The following SRRM1 variants were observed in gnomAD, a reference collection of about 807,000 sequenced individuals.
SRRM1 encodes the protein serine and arginine repetitive matrix 1.
Under a neutral mutation model 110.2 loss-of-function variants are expected in SRRM1, and 19 were observed. The ratio of observed to expected loss-of-function variants is 0.17; its 90% confidence interval spans 0.12 to 0.25. The LOEUF (loss-of-function observed/expected upper bound fraction) is 0.25, where lower values mean the gene tolerates loss of function less well. Among genes scored for constraint, SRRM1 ranks in the 10% least tolerant of loss-of-function variants. The probability of loss-of-function intolerance (pLI) is 1.00; values close to 1 mark genes in which losing one functional copy is unlikely to be tolerated. For missense variants in SRRM1, 918 were observed against 1,145.8 expected (o/e 0.80, Z 2.87); for synonymous variants, 443 against 414.9 (o/e 1.07, Z -0.82).
rs760884910 is a variant in SRRM1, at chr1:24,655,146, T to C, written c.1315+17T>C. 24 of 1,611,148 alleles carry C rather than the reference T, an allele frequency of 1.5e-5. 1 individual carries two copies. In the South Asian group the frequency reaches 2.3e-4, roughly 15 times the overall value. ...CAGGTAAAGGTAAAAATCAAACACA[T>C]ATGAAACATGGTCTCTCTTTCTTTG... On this transcript the variant is annotated intron_variant, in intron 9 of 16. Transcript: ENST00000323848.
Position 24,650,051 on chromosome 1 carries a change from CAG to C in SRRM1, c.490_491del (p.Glu164LysfsTer7). The C allele has an allele frequency of 6.3e-7, 1 of 1,590,998 alleles. No individual in the cohort carries two copies. Among genetic ancestry groups the C allele is most frequent in the Admixed American group, 1.8e-5 (1 of 56,726 alleles). On this transcript the variant is annotated frameshift_variant, in exon 5 of 17. Transcript: ENST00000323848. LOFTEE classifies it high-confidence loss of function. Reference protein sequence around the residue: ...KRDKEEKESSREKRERSRSPR... With the variant: ...KRDKEEKESSXEKRERSRSPR... ...GAGATAAGGAAGAAAAAGAAAGCAG[CAG>C]AGAAAAAAGGGAGCGGTCTCGTAGC... is the stretch of plus-strand genomic sequence containing the variant.
intron 11 of SRRM1, among the ~76,000 whole-genome samples, chr1:24,661,597 T>A (rs1229779581): frequency 6.6e-6 from 1 of 152,132 alleles, no homozygotes; most frequent in African/African-American, 2.4e-5. Context: ...AAGTAATAGG[T>A]CCCTAGGATA....
At position 24,643,428 on chromosome 1, in the gene SRRM1, G is replaced by A. The variant is rs1333943645; in HGVS notation, c.21+81G>A. The A allele has an allele frequency of 5.2e-6, 7 of 1,336,670 alleles. No individual in the cohort carries two copies. The Admixed American group carries it at 1.9e-4, about 36-fold the overall frequency. The allele number at this position is 1,336,670 out of a possible 1,614,324, so 82.8% of individuals were successfully genotyped here. A position where few individuals can be genotyped will look rare whatever the true frequency, so the allele number is the denominator to read the frequency against. On this transcript the variant is annotated intron_variant, in intron 1 of 16. Transcript: ENST00000323848. ...GTAGGAGACCTTAGCTTGGCACAGG[G>A]TGGCCAGCGAGGGGAGCTTCGGAGA...
intron 6 of SRRM1, among the ~76,000 whole-genome samples, chr1:24,652,065 T>TATATATATATATAC (rs1168786510): frequency 1.5e-5 from 2 of 134,264 alleles, no homozygotes; most frequent in African/African-American, 2.7e-5. Context: ...TATATATATG[T>TATATATATATATAC]ACACACACAC....
intron 9 of SRRM1, among the ~76,000 whole-genome samples, chr1:24,659,914 C>T (rs1025015200): frequency 7.2e-5 from 11 of 152,112 alleles, no homozygotes; most frequent in Admixed American, 4.6e-4. Flanking sequence ...AAAGAATCCT[C>T]GTCTTTGTAT....
intron 3 of SRRM1, 135 bp from the exon 4 acceptor site, chr1:24,648,724 T>G: frequency 4.5e-6 from 3 of 667,530 alleles, no homozygotes; most frequent in Non-Finnish European, 7.5e-6. Context: ...TGTAAAATAG[T>G]AAGGACTATA....
At chr1:24,655,361 G>A (rs1338092310) in intron 9 of SRRM1, among the ~76,000 whole-genome samples, 5 of 152,204 alleles carry the variant, frequency 3.3e-5, no homozygotes, top group African/African-American at 1.2e-4. Context: ...TGCGCAGGTG[G>A]AGAAATCTTT....
intron 2 of SRRM1, among the ~76,000 whole-genome samples, 173 bp downstream of exon 2, chr1:24,646,246 G>A (rs1457159810): frequency 6.6e-6 from 1 of 152,212 alleles, no homozygotes; most frequent in Non-Finnish European, 1.5e-5. Flanking sequence ...AGCAGATTGT[G>A]GCTGGGCGAG....
intron 4 of SRRM1, among the ~76,000 whole-genome samples, chr1:24,649,562 G>A (rs1002386478): frequency 6.6e-6 from 1 of 152,244 alleles, no homozygotes; most frequent in Admixed American, 6.5e-5. Flanking sequence ...CAAGTGATCT[G>A]CCCGCCCTTG....
intron 3 of SRRM1, chr1:24,647,452 A>G (rs1658261332): frequency 6.6e-6 from 1 of 152,360 alleles, no homozygotes; most frequent in East Asian, 1.9e-4. Flanking sequence ...TTATACTTAA[A>G]CTTCAGACAA....
intron 12 of SRRM1, among the ~76,000 whole-genome samples, chr1:24,665,393 C>T (rs934511355): frequency 1.0e-4 from 15 of 150,410 alleles, no homozygotes; most frequent in East Asian, 3.9e-4. Context: ...CGTGCCATTG[C>T]ACTCCAGCCT....
At chr1:24,653,989 G>T (rs541757929) in intron 8 of SRRM1, among the ~76,000 whole-genome samples, 1 of 152,156 alleles carries the variant, frequency 6.6e-6, no homozygotes, top group East Asian at 1.9e-4. Flanking sequence ...TTGGGGAGGG[G>T]TTGTTAAGAT....
At chr1:24,655,181 C>A in intron 9 of SRRM1, 52 bp downstream of exon 9, 1 of 1,582,928 alleles carries the variant, frequency 6.3e-7, no homozygotes, top group Non-Finnish European at 8.7e-7. Context: ...GGCTACAAAG[C>A]GTAGTCAGTT....
At chr1:24,658,784 A>G (rs1182984142) in intron 9 of SRRM1, among the ~76,000 whole-genome samples, 1 of 152,248 alleles carries the variant, frequency 6.6e-6, no homozygotes, top group African/African-American at 2.4e-5. Flanking sequence ...TTGTTAAAAT[A>G]TAAGTATTAA....
At chr1:24,660,875 A>T in intron 10 of SRRM1, 76 bp downstream of exon 10, 2 of 1,058,152 alleles carry the variant, frequency 1.9e-6, no homozygotes, top group Non-Finnish European at 2.8e-6. Context: ...GATTTTTTGC[A>T]CATTTGGTCA....
chr1:24,648,329 A>G (rs1658654557), intron 3 of SRRM1: 1 of 152,306 alleles, frequency 6.6e-6, no homozygotes, highest in Non-Finnish European at 1.5e-5. Flanking sequence ...TTTTCCTTAT[A>G]TAAAACTCAG....
At chr1:24,667,351 G>A (rs1302300685) in intron 13 of SRRM1, among the ~76,000 whole-genome samples, 1 of 152,168 alleles carries the variant, frequency 6.6e-6, no homozygotes, top group Admixed American at 6.5e-5. Flanking sequence ...GGTGAATCAT[G>A]TATTGTCATA....
At chr1:24,646,849 A>G in intron 3 of SRRM1, 60 bp downstream of exon 3, 6 of 1,436,468 alleles carry the variant, frequency 4.2e-6, no homozygotes, top group Non-Finnish European at 5.6e-6. Context: ...GAATCTTTGG[A>G]AACTGAATTT....
intron 1 of SRRM1, chr1:24,643,740 G>C (rs551496678): frequency 6.1e-4 from 147 of 239,386 alleles, no homozygotes; most frequent in African/African-American, 3.1e-3. Context: ...AAGGTCACTG[G>C]TGGCGGCAGG....
Sources: allele counts gnomAD v4.1 joint callset (sites outside exome capture counted in the v4.1 genomes callset), GRCh38; gene constraint gnomAD v4.1.1; transcripts MANE v1.5; gene names NCBI Gene and HGNC (gene_info 2026-07-23, HGNC 2026-07-21).